The following CCDC171 variants were observed in gnomAD, a reference collection of about 807,000 sequenced individuals.
CCDC171 encodes the protein coiled-coil domain-containing protein 171.
Under a neutral mutation model 168.2 loss-of-function variants are expected in CCDC171, and 177 were observed. The ratio of observed to expected loss-of-function variants is 1.05; its 90% CI spans 0.93 to 1.19. The LOEUF (loss-of-function observed/expected upper bound fraction) is 1.19, where lower values mean the gene tolerates loss of function less well. CCDC171 is among the 50% of genes most tolerant of loss of function. CCDC171 has a pLI of 0.00. For synonymous variants in CCDC171, 687 were observed against 540.8 expected (o/e 1.27, Z -3.75); for missense variants, 1,991 against 1,539.0 (o/e 1.29, Z -4.91).
At chr9:16,095,691 C>T in the CCDC171 span, among the ~76,000 whole-genome samples, 2 of 151,854 alleles carry the variant, frequency 1.3e-5, no homozygotes. Context: ...AGCTTTGGTG[C>T]CAGGCGAACC....
At chr9:15,648,800 A>G (rs1452311748) in intron 7 of CCDC171, among the ~76,000 whole-genome samples, 1 of 152,200 alleles carries the variant, frequency 6.6e-6, no homozygotes, top group African/African-American at 2.4e-5. Flanking sequence ...AAGAATAAAT[A>G]TCATGAAAAT....
chr9:15,951,916 G>A (rs1003163304), intron 25 of CCDC171, among the ~76,000 whole-genome samples: 3 of 151,980 alleles, frequency 2.0e-5, no homozygotes, highest in South Asian at 2.1e-4. Context: ...TGCCTGTTGT[G>A]TCAAATTCCA....
At chr9:15,953,068 A>G (rs1228577392) in intron 25 of CCDC171, among the ~76,000 whole-genome samples, 1 of 152,068 alleles carries the variant, frequency 6.6e-6, no homozygotes, top group African/African-American at 2.4e-5. Flanking sequence ...ATTATTTCTT[A>G]CAGTATTTTG....
chr9:16,082,130 C>G, the CCDC171 span, among the ~76,000 whole-genome samples: 1 of 152,204 alleles, frequency 6.6e-6, no homozygotes, highest in African/African-American at 2.4e-5. Flanking sequence ...GCATATATGA[C>G]TAAAACAGAA....
intron 1 of CCDC171, among the ~76,000 whole-genome samples, chr9:15,556,357 C>T (rs553067174): frequency 2.1e-4 from 32 of 152,274 alleles, no homozygotes; most frequent in Middle Eastern, 6.8e-3. Flanking sequence ...GTCCCACCAA[C>T]GGTGTAAAAG....
intron 1 of CCDC171, among the ~76,000 whole-genome samples, chr9:16,051,377 G>C (rs1294568794): frequency 6.6e-6 from 1 of 152,116 alleles, no homozygotes. Flanking sequence ...CCTGTGCTGG[G>C]AGGAGTCCCA....
chr9:15,744,817 A>C, intron 17 of CCDC171, 40 bp downstream of exon 17: 1 of 1,578,320 alleles, frequency 6.3e-7, no homozygotes, highest in South Asian at 1.2e-5. Flanking sequence ...AGTTGCATGT[A>C]AGCGAAATAC....
chr9:15,765,768 C>T (rs1433058065), intron 18 of CCDC171, among the ~76,000 whole-genome samples: 1 of 151,768 alleles, frequency 6.6e-6, no homozygotes, highest in Non-Finnish European at 1.5e-5. Flanking sequence ...TGGGGGTTTG[C>T]CAGGTAAATA....
intron 4 of CCDC171, among the ~76,000 whole-genome samples, chr9:15,589,628 T>C (rs1353582811): frequency 2.6e-5 from 4 of 152,208 alleles, no homozygotes; most frequent in Non-Finnish European, 5.9e-5. Context: ...TTGTATACTG[T>C]TAATTGAAAT....
chr9:16,084,880 C>A, the CCDC171 span, among the ~76,000 whole-genome samples: 1 of 152,164 alleles, frequency 6.6e-6, no homozygotes, highest in Non-Finnish European at 1.5e-5. Context: ...CCTGACAGTC[C>A]AGGGTTCCAA....
At chr9:15,677,156 T>C (rs1430471160) in intron 9 of CCDC171, among the ~76,000 whole-genome samples, 2 of 152,160 alleles carry the variant, frequency 1.3e-5, no homozygotes, top group African/African-American at 4.8e-5. Flanking sequence ...CTTTGCACCT[T>C]ATTCATCTTT....
At chr9:15,623,189 C>T (rs1244928758) in intron 6 of CCDC171, 78 bp from the exon 7 acceptor site, 3 of 987,790 alleles carry the variant, frequency 3.0e-6, no homozygotes, top group Admixed American at 2.7e-5. Context: ...TTTAGTTACT[C>T]ACTGTCTTCT....
intron 3 of CCDC171, among the ~76,000 whole-genome samples, chr9:15,992,389 A>G (rs988404044): frequency 1.3e-5 from 2 of 152,236 alleles, no homozygotes; most frequent in African/African-American, 4.8e-5. Context: ...GACAAAATTC[A>G]ACAGCTCTTC....
intron 3 of CCDC171, among the ~76,000 whole-genome samples, chr9:16,002,476 A>G (rs1832580723): frequency 6.6e-6 from 1 of 152,156 alleles, no homozygotes; most frequent in South Asian, 2.1e-4. Context: ...GAAAGAAAAT[A>G]GTTTTGTACA....
At chr9:16,090,169 C>T in the CCDC171 span, among the ~76,000 whole-genome samples, 1 of 152,046 alleles carries the variant, frequency 6.6e-6, no homozygotes, top group Non-Finnish European at 1.5e-5. Context: ...TGGAACTAAC[C>T]CAAATGCCCA....
chr9:15,772,751 T>C (rs902965823), intron 18 of CCDC171, among the ~76,000 whole-genome samples: 1 of 152,138 alleles, frequency 6.6e-6, no homozygotes, highest in Admixed American at 6.5e-5. Flanking sequence ...GTGTTACGAG[T>C]TATTCTATCT....
chr9:15,745,543 A>G lies in CCDC171; in HGVS notation c.2583A>G (p.Leu861=). The G allele has an allele frequency of 6.3e-7, 1 of 1,588,124 alleles. No homozygotes were observed. The highest frequency in any genetic ancestry group is 8.5e-7 in the Non-Finnish European group (1 of 1,170,224). ...PKHQKEQLRC[L]QALSWLTSSD... ...ATCAAAAGGAGCAGTTGCGTTGTTT[A>G]CAAGCGCTCAGTTGGCTCACCAGTT... is the stretch of plus-strand genomic sequence containing the variant. The change falls in exon 18 of 26, where the codon TTA becomes TTG. Residue 861 remains leucine (L), a synonymous_variant. Transcript: ENST00000380701.
intron 25 of CCDC171, among the ~76,000 whole-genome samples, chr9:15,965,028 G>T (rs1413611898): frequency 2.0e-5 from 3 of 152,164 alleles, no homozygotes; most frequent in East Asian, 1.9e-4. Context: ...CTCCCAAAGT[G>T]CTGGGATTAC....
intron 23 of CCDC171, among the ~76,000 whole-genome samples, chr9:15,870,457 G>A (rs1588935701): frequency 6.6e-6 from 1 of 151,828 alleles, no homozygotes; most frequent in African/African-American, 2.4e-5. Flanking sequence ...ATAATAGATT[G>A]GAGTAAATAC....
Sources: allele counts gnomAD v4.1 joint callset (sites outside exome capture counted in the v4.1 genomes callset), GRCh38; gene constraint gnomAD v4.1.1; transcripts MANE v1.5; gene names NCBI Gene and HGNC (gene_info 2026-07-23, HGNC 2026-07-21).